The following AOC3 variants were observed in gnomAD, a reference collection of about 807,000 sequenced individuals.
AOC3 encodes the protein amine oxidase copper containing 3.
A neutral mutation model predicts 55.4 loss-of-function variants in AOC3; 47 were observed. The ratio of observed to expected loss-of-function variants is 0.85; its 90% CI spans 0.67 to 1.08. The LOEUF is 1.08. AOC3 is among the 50% of genes least tolerant of loss of function. The probability of loss-of-function intolerance (pLI) is 0.00; values close to 1 mark genes in which losing one functional copy is unlikely to be tolerated. For synonymous variants in AOC3, 386 were observed against 410.7 expected (o/e 0.94, Z 0.73); for missense variants, 853 against 993.1 (o/e 0.86, Z 1.90).
In AOC3 at chr17:42,856,698, T is replaced by G; in HGVS notation, c.*148T>G. The G allele has an allele frequency of 1.1e-6, 1 of 945,080 alleles. No individual in the cohort carries two copies. The highest frequency in any genetic ancestry group is 1.6e-6 in the Non-Finnish European group (1 of 644,594). The allele number at this position is 945,080 out of a possible 1,614,324, so 58.5% of individuals were successfully genotyped here. ...CACTACCCTCCCTCGCATCCGCCTCTGAGCCAGGAGCCTCCTGACCCTGTG... is the reference window on the plus strand; with the variant it reads ...CACTACCCTCCCTCGCATCCGCCTCGGAGCCAGGAGCCTCCTGACCCTGTG... On this transcript the variant is annotated 3_prime_UTR_variant, in exon 4 of 4. Coordinates refer to ENST00000308423, the MANE Select transcript of AOC3 (RefSeq NM_003734.4).
chr17:42,856,374 C>T lies in AOC3; in HGVS notation c.2116C>T (p.Arg706Ter), dbSNP rs758238458. The change falls in exon 4 of 4, where the codon CGA becomes TGA. Residue 706 changes from arginine to a stop codon, truncating the protein, a stop_gained. Transcript: ENST00000308423. LOFTEE classifies it high-confidence loss of function. Reference sequence around the variant, plus strand: ...GGGGAACGGCGTGGGCTTCTTCCTCCGACCCTATAACTTCTTTGACGAAGA... The same window carrying T: ...GGGGAACGGCGTGGGCTTCTTCCTCTGACCCTATAACTTCTTTGACGAAGA... ...TVGNGVGFFL[R>*]PYNFFDEDPS... is the part of the protein sequence containing the mutation. The T allele has an allele frequency of 7.4e-6, 12 of 1,614,076 alleles. No homozygotes were observed. Among genetic ancestry groups the T allele is most frequent in the African/African-American group, 2.7e-5 (2 of 74,906 alleles).
Position 42,851,575 on chromosome 17 carries a change from C to T in AOC3, c.232C>T (p.Arg78Trp), listed in dbSNP as rs541400140. ...LTAVMRFLTQ[R>W]LGPGLVDAAQ... ...GGCTGTGATGCGCTTTCTGACCCAG[C>T]GGCTGGGGCCAGGGCTGGTGGATGC... The change falls in exon 1 of 4, where the codon CGG becomes TGG. Residue 78 changes from arginine (R) to tryptophan (W), a missense_variant. Coordinates refer to ENST00000308423, the MANE Select transcript of AOC3 (RefSeq NM_003734.4). The T allele has an allele frequency of 1.7e-5, 27 of 1,613,118 alleles. No individual in the cohort carries two copies. The highest frequency in any genetic ancestry group is 2.2e-5 in the Non-Finnish European group (26 of 1,179,778).
In AOC3 at chr17:42,852,328, C is replaced by T. The variant is rs766271081; in HGVS notation, c.985C>T (p.Arg329Ter). The T allele has an allele frequency of 6.8e-6, 11 of 1,614,026 alleles. No homozygotes were observed. Among genetic ancestry groups the T allele is most frequent in the African/African-American group, 4.0e-5 (3 of 74,900 alleles). The change falls in exon 1 of 4, where the codon CGA (arginine) becomes TGA (stop). Residue 329 changes from arginine to a stop codon, truncating the protein, a stop_gained. Coordinates refer to ENST00000308423, the MANE Select transcript of AOC3 (RefSeq NM_003734.4). LOFTEE classifies it high-confidence loss of function. ...QGPRFSVQGS[R>*]VASSLWTFSF... ...CCCCCGCTTCAGTGTCCAGGGAAGT[C>T]GAGTGGCCTCCTCACTGTGGACTTT... is the stretch of plus-strand genomic sequence containing the variant.
Position 42,856,863 on chromosome 17 carries a change from C to T in AOC3, c.*313C>T, listed in dbSNP as rs926672563. The T allele has an allele frequency of 3.9e-5, 16 of 407,748 alleles. No individual in the cohort carries two copies. The highest frequency in any genetic ancestry group is 2.0e-4 in the Admixed American group (5 of 24,552). 25.3% of individuals were successfully genotyped at this position (407,748 alleles called of 1,614,324 possible). A position where few individuals can be genotyped will look rare whatever the true frequency, so the allele number is the denominator to read the frequency against. On this transcript the variant is annotated 3_prime_UTR_variant, in exon 4 of 4. Transcript: ENST00000308423. ...TCCCTTTGTTGCTGTCTGGCTTTCC[C>T]GAATCTTTTTAGGCCACCTCCAAGG...
At position 42,852,754 on chromosome 17, in the gene AOC3, T is replaced by G; in HGVS notation, c.1411T>G (p.Tyr471Asp). ...CAGATCTATGTCCACCTTGCTCAAC[T>G]ATGACTATGTGTGGGATACGGTCTT... The part of the protein sequence containing the change: ...VVRSMSTLLN[Y>D]DYVWDTVFHP... Residue 471 changes from tyrosine to aspartate, a missense_variant, in exon 1 of 4, where the codon TAT becomes GAT. Transcript: ENST00000308423. 1.2e-6 allele frequency: 2 copies of G among 1,614,186 alleles called. No individual in the cohort carries two copies. The highest frequency in any genetic ancestry group is 1.7e-6 in the Non-Finnish European group (2 of 1,180,008).
Position 42,857,084 on chromosome 17 carries a change from G to A in AOC3, c.*534G>A, listed in dbSNP as rs997469167. 2 of 156,552 alleles carry A rather than the reference G, an allele frequency of 1.3e-5. No individual in the cohort carries two copies. The highest frequency in any genetic ancestry group is 1.4e-5 in the Non-Finnish European group (1 of 71,076). 9.7% of individuals were successfully genotyped at this position (156,552 alleles called of 1,614,324 possible). A position where few individuals can be genotyped will look rare whatever the true frequency, so the allele number is the denominator to read the frequency against. ...TCTCTTCTATCCTGCAATTTCTCCC[G>A]AATCCTGAGGGGATATCCCTATGTC... On this transcript the variant is annotated 3_prime_UTR_variant, in exon 4 of 4. Coordinates refer to ENST00000308423, the MANE Select transcript of AOC3 (RefSeq NM_003734.4).
chr17:42,852,823 T>C lies in AOC3; in HGVS notation c.1480T>C (p.Tyr494His), dbSNP rs775810338. Reference protein sequence around the residue: ...AIEIRFYATGYISSAFLFGAT... With the variant: ...AIEIRFYATGHISSAFLFGAT... ...AGAAATACGATTCTATGCCACGGGC[T>C]ACATCAGCTCGGCATTCCTCTTTGG... Residue 494 changes from tyrosine (Y) to histidine (H), a missense_variant, in exon 1 of 4, where the codon TAC (tyrosine) becomes CAC (histidine). Transcript: ENST00000308423. 3 of 1,614,128 alleles carry C rather than the reference T, an allele frequency of 1.9e-6. No homozygotes were observed. Among genetic ancestry groups the C allele is most frequent in the South Asian group, 2.2e-5 (2 of 91,088 alleles).
intron 3 of AOC3, 121 bp downstream of exon 3, chr17:42,855,694 T>C: frequency 7.3e-7 from 1 of 1,363,628 alleles, no homozygotes; most frequent in Non-Finnish European, 1.0e-6. Flanking sequence ...TCAGTATATC[T>C]GATCATTATC....
intron 2 of AOC3, 77 bp from the exon 3 acceptor site, chr17:42,855,367 C>A: frequency 6.5e-7 from 1 of 1,537,806 alleles, no homozygotes; most frequent in Non-Finnish European, 8.8e-7. Flanking sequence ...GAGCTCTGAG[C>A]ACTCAGTTCC....
chr17:42,855,086 C>T (rs374852840), intron 2 of AOC3, among the ~76,000 whole-genome samples: 3 of 152,106 alleles, frequency 2.0e-5, no homozygotes, highest in African/African-American at 7.2e-5. Flanking sequence ...ACCTCATGAT[C>T]CACCCTCCTT....
chr17:42,856,471 C>G lies in AOC3; in HGVS notation c.2213C>G (p.Pro738Arg), dbSNP rs749363605. 3 of 1,612,650 alleles carry G rather than the reference C, an allele frequency of 1.9e-6. No homozygotes were observed. In the South Asian group the frequency reaches 3.3e-5, roughly 18 times the overall value. The change falls in exon 4 of 4, where the codon CCC (proline) becomes CGC (arginine). Residue 738 changes from proline to arginine, a missense_variant. By Grantham distance (103) the Pro-to-Arg change is moderately radical. Coordinates refer to ENST00000308423, the MANE Select transcript of AOC3 (RefSeq NM_003734.4). ...GATGCTGGGGCCTGCGAGGTCAACC[C>G]CCTAGCTTGCCTGCCCCAGGCTGCT... ...DQDAGACEVN[P>R]LACLPQAAAC...
rs757257777 is a variant in AOC3, at chr17:42,852,146, G to A, written c.803G>A (p.Gly268Asp). The A allele has an allele frequency of 2.0e-5, 32 of 1,613,912 alleles. No individual in the cohort carries two copies. In the South Asian group the frequency reaches 3.0e-4, roughly 15 times the overall value. ...ACTATCCAGAAGGTGTTCTATCAAG[G>A]CCGCTACTACGACAGCCTGGCCCAG... is the stretch of plus-strand genomic sequence containing the variant. ...RWTIQKVFYQGRYYDSLAQLE... is the reference protein window; with the variant it reads ...RWTIQKVFYQDRYYDSLAQLE... Residue 268 changes from glycine to aspartate, a missense_variant, in exon 1 of 4, where the codon GGC becomes GAC. Physicochemically the swap from Gly to Asp is moderately conservative, Grantham distance 94 (BLOSUM62 -1). Coordinates refer to ENST00000308423, the MANE Select transcript of AOC3 (RefSeq NM_003734.4).
In AOC3 at chr17:42,851,571, C is replaced by G; in HGVS notation, c.228C>G (p.Thr76=). ...EELTAVMRFL[T]QRLGPGLVDA... is the part of the protein sequence containing the mutation. ...TGACGGCTGTGATGCGCTTTCTGAC[C>G]CAGCGGCTGGGGCCAGGGCTGGTGG... Residue 76 remains threonine (T), a synonymous_variant, in exon 1 of 4, where the codon ACC becomes ACG. Coordinates refer to ENST00000308423, the MANE Select transcript of AOC3 (RefSeq NM_003734.4). 4 of 1,613,706 alleles carry G rather than the reference C, an allele frequency of 2.5e-6. No individual in the cohort carries two copies. Among genetic ancestry groups the G allele is most frequent in the Non-Finnish European group, 3.4e-6 (4 of 1,180,002 alleles).
chr17:42,851,702 C>T lies in AOC3; in HGVS notation c.359C>T (p.Pro120Leu), dbSNP rs1249086731. The T allele has an allele frequency of 1.2e-6, 2 of 1,612,426 alleles. No individual in the cohort carries two copies. Residue 120 changes from proline (P) to leucine (L), a missense_variant, in exon 1 of 4, where the codon CCT becomes CTT. Pro to Leu is a moderately conservative substitution (Grantham distance 98). Coordinates refer to ENST00000308423, the MANE Select transcript of AOC3 (RefSeq NM_003734.4). Reference protein sequence around the residue: ...LAHLDRGSPPPAREALAIVFF... With the variant: ...LAHLDRGSPPLAREALAIVFF... Reference sequence around the variant, plus strand: ...CACTTGGACAGGGGGAGCCCCCCACCTGCCCGGGAGGCACTGGCCATCGTC... The same window carrying T: ...CACTTGGACAGGGGGAGCCCCCCACTTGCCCGGGAGGCACTGGCCATCGTC...
In AOC3 at chr17:42,856,715, G is replaced by C; in HGVS notation, c.*165G>C. ...TCCGCCTCTGAGCCAGGAGCCTCCT[G>C]ACCCTGTGATGCCTGACACAGGGGA... On this transcript the variant is annotated 3_prime_UTR_variant, in exon 4 of 4. Transcript: ENST00000308423. 3 of 794,488 alleles carry C rather than the reference G, an allele frequency of 3.8e-6. No homozygotes were observed. The highest frequency in any genetic ancestry group is 5.9e-6 in the Non-Finnish European group (3 of 511,428). 49.2% of individuals were successfully genotyped at this position (794,488 alleles called of 1,614,324 possible). A position where few individuals can be genotyped will look rare whatever the true frequency, so the allele number is the denominator to read the frequency against.
In AOC3 at chr17:42,854,590, C is replaced by T. The variant is rs773169381; in HGVS notation, c.1743C>T (p.Ser581=). ...MEEQAAFLVG[S]ATPRYLYLAS... ...AGCAGGCCGCCTTCCTCGTGGGAAG[C>T]GCCACCCCTCGCTACCTGTACCTGG... The change falls in exon 2 of 4, where the codon AGC becomes AGT. Residue 581 remains serine (S), a synonymous_variant. Transcript: ENST00000308423. 31 of 1,607,742 alleles carry T rather than the reference C, an allele frequency of 1.9e-5. No individual in the cohort carries two copies. Among genetic ancestry groups the T allele is most frequent in the East Asian group, 1.6e-4 (7 of 44,452 alleles).
In AOC3 at chr17:42,852,116, G is replaced by C; in HGVS notation, c.773G>C (p.Arg258Pro). 1 of 1,613,880 alleles carries C rather than the reference G, an allele frequency of 6.2e-7. No homozygotes were observed. Among genetic ancestry groups the C allele is most frequent in the South Asian group, 1.1e-5 (1 of 91,074 alleles). The change falls in exon 1 of 4, where the codon CGC (arginine) becomes CCC (proline). Residue 258 changes from arginine (R) to proline (P), a missense_variant. Transcript: ENST00000308423. ...LVNHKALDPA[R>P]WTIQKVFYQG... ...AACCACAAGGCCCTTGACCCTGCCC[G>C]CTGGACTATCCAGAAGGTGTTCTAT...
chr17:42,855,426 T>G lies in AOC3; in HGVS notation c.1887-18T>G. On this transcript the variant is annotated intron_variant, in intron 2 of 3. Transcript: ENST00000308423. The stretch of plus-strand genomic sequence containing the variant: ...GATGGGGTCAATGGCCATGGAGGCC[T>G]GACCAGTGCCTCCCTAGGTACCAGC... 6.3e-7 allele frequency: 1 copy of G among 1,594,514 alleles called. No homozygotes were observed.
At chr17:42,853,008 T>A in intron 1 of AOC3, 65 bp downstream of exon 1, 1 of 1,546,486 alleles carries the variant, frequency 6.5e-7, no homozygotes, top group Non-Finnish European at 8.8e-7. Context: ...CCATTAGCTT[T>A]GGGTTTTATG....
Sources: gnomAD v4.1 joint callset for allele counts (sites outside exome capture counted in the v4.1 genomes callset) on GRCh38, gnomAD v4.1.1 for gene constraint, MANE v1.5 for transcripts, NCBI Gene and HGNC (gene_info 2026-07-23, HGNC 2026-07-21) for gene names.